The following PCDHGA2 variants were observed in gnomAD, a reference collection of about 807,000 sequenced individuals.
The protein encoded by PCDHGA2 is protocadherin gamma subfamily A, 2, also known as protocadherin gamma-A2.
Under a neutral mutation model 59.2 loss-of-function variants are expected in PCDHGA2, and 40 were observed. That is an observed-to-expected ratio of 0.68 (90% CI 0.52 to 0.88). PCDHGA2 has a LOEUF of 0.88. Ranked by LOEUF, PCDHGA2 falls within the 40% of genes least tolerant of loss-of-function variation. PCDHGA2 has a pLI of 0.00. For missense variants in PCDHGA2, 1,226 were observed against 1,204.0 expected, an observed-to-expected ratio of 1.02 and a Z score of -0.27; for synonymous variants, 560 against 526.0, an observed-to-expected ratio of 1.06 and a Z score of -0.89.
intron 1 of PCDHGA2, chr5:141,417,926 C>T (rs779409064): frequency 6.2e-7 from 1 of 1,610,108 alleles, no homozygotes; most frequent in East Asian, 2.2e-5. Context: ...TTTGCTGCTG[C>T]CTTTGTTCTA....
At chr5:141,343,115 T>C in intron 1 of PCDHGA2, 1 of 194,556 alleles carries the variant, frequency 5.1e-6, no homozygotes, top group Non-Finnish European at 9.4e-6. Flanking sequence ...ATTCCCTGTT[T>C]GCTTTTATAT....
chr5:141,414,375 G>C, intron 1 of PCDHGA2: 1 of 1,613,854 alleles, frequency 6.2e-7, no homozygotes, highest in Non-Finnish European at 8.5e-7. Flanking sequence ...AATTAGAAAA[G>C]TCCATTGACA....
At position 141,455,034 on chromosome 5, in the gene PCDHGA2, G is replaced by T. The variant is rs112590950; in HGVS notation, c.2425-39773G>T. 8.3e-3 allele frequency among the ~76,000 whole-genome samples: 1,254 copies of T among 150,894 alleles called. 18 individuals are homozygous for T. Among genetic ancestry groups the T allele is most frequent in the African/African-American group, 0.029 (1,191 of 41,122 alleles). ...TCACCGTGTTAGCCAGGATGGTCTC[G>T]ATCTCCTGACCTCGTGATCCGCCCG... On this transcript the variant is annotated intron_variant, in intron 1 of 3. Coordinates refer to ENST00000394576, the MANE Select transcript of PCDHGA2 (RefSeq NM_018915.4).
chr5:141,423,730 A>G, intron 1 of PCDHGA2: 1 of 831,022 alleles, frequency 1.2e-6, no homozygotes. Flanking sequence ...ATGTTTTTTG[A>G]GCCTGTTATG....
At chr5:141,474,345 G>A (rs541613646) in intron 1 of PCDHGA2, among the ~76,000 whole-genome samples, 7 of 152,124 alleles carry the variant, frequency 4.6e-5, no homozygotes, top group African/African-American at 7.2e-5. Flanking sequence ...TTGTTAAAAT[G>A]TAAGTCATGT....
At chr5:141,447,696 G>A (rs1273958794) in intron 1 of PCDHGA2, among the ~76,000 whole-genome samples, 1 of 152,096 alleles carries the variant, frequency 6.6e-6, no homozygotes, top group Non-Finnish European at 1.5e-5. Context: ...TAGAGGGATG[G>A]GTTATAAGGA....
intron 2 of PCDHGA2, among the ~76,000 whole-genome samples, chr5:141,501,009 C>T (rs2099804715): frequency 2.0e-5 from 3 of 152,040 alleles, no homozygotes; most frequent in Non-Finnish European, 4.4e-5. Context: ...GCTGGGACTA[C>T]AGGCACGCGC....
At chr5:141,438,720 G>A (rs1393152221) in intron 1 of PCDHGA2, among the ~76,000 whole-genome samples, 1 of 147,892 alleles carries the variant, frequency 6.8e-6, no homozygotes, top group Non-Finnish European at 1.5e-5. Flanking sequence ...GAGTGCAAGT[G>A]GTGTGATCTC....
chr5:141,374,602 T>C, intron 1 of PCDHGA2: 2 of 1,613,652 alleles, frequency 1.2e-6, no homozygotes, highest in Non-Finnish European at 1.7e-6. Flanking sequence ...TTAAGCTCAG[T>C]GGTAATAGTC....
chr5:141,372,786 T>C (rs765183690), intron 1 of PCDHGA2: 6 of 1,605,480 alleles, frequency 3.7e-6, no homozygotes, highest in Non-Finnish European at 4.3e-6. Context: ...AGAAATGCCT[T>C]CTAATTCAGG....
chr5:141,375,647 T>C (rs1265306389), intron 1 of PCDHGA2: 2 of 1,614,038 alleles, frequency 1.2e-6, no homozygotes. Flanking sequence ...CTCCTTCGAC[T>C]ATGAGCAGTT....
At position 141,356,140 on chromosome 5, in the gene PCDHGA2, T is replaced by C. The variant is rs756946574; in HGVS notation, c.2424+14745T>C. ...GGGTCTAGATTATGAGGACTCTGGA[T>C]TCTATGACATAGATGTAGAAGCCCA... On this transcript the variant is annotated intron_variant, in intron 1 of 3. Transcript: ENST00000394576. 2.0e-5 allele frequency: 32 copies of C among 1,613,616 alleles called. No homozygotes were observed. Among genetic ancestry groups the C allele is most frequent in the Non-Finnish European group, 2.5e-5 (30 of 1,179,778 alleles).
Position 141,361,665 on chromosome 5 carries a change from G to A in PCDHGA2, c.2424+20270G>A, listed in dbSNP as rs368441959. 2.6e-4 allele frequency: 414 copies of A among 1,613,696 alleles called. 2 individuals are homozygous for A. In the African/African-American group the frequency reaches 4.6e-3, roughly 18 times the overall value. ...TATCCTACGTGTCCGTGAGCGCGCA[G>A]AGCGGGGTGGTGTTCGCGCAGCGCG... On this transcript the variant is annotated intron_variant, in intron 1 of 3. Transcript: ENST00000394576.
At chr5:141,407,964 C>G in intron 1 of PCDHGA2, 1 of 683,628 alleles carries the variant, frequency 1.5e-6, no homozygotes, top group Non-Finnish European at 2.3e-6. Context: ...GCAGAGCAAG[C>G]GCTGACGCCG....
intron 1 of PCDHGA2, chr5:141,393,317 G>C (rs927337267): frequency 6.2e-7 from 1 of 1,612,904 alleles, no homozygotes; most frequent in South Asian, 1.1e-5. Flanking sequence ...ACTCCCTCCA[G>C]AGCTACCAGC....
chr5:141,435,104 G>A (rs1009839042), intron 1 of PCDHGA2, among the ~76,000 whole-genome samples: 1 of 151,968 alleles, frequency 6.6e-6, no homozygotes, highest in Non-Finnish European at 1.5e-5. Flanking sequence ...TTATCTAGGG[G>A]GGAGAAATCT....
rs570809952 is a variant in PCDHGA2 at position 141,463,609 on chromosome 5, C to T, written c.2425-31198C>T. 4.6e-5 allele frequency among the ~76,000 whole-genome samples: 7 copies of T among 151,964 alleles called. No homozygotes were observed. In the East Asian group the frequency reaches 9.7e-4, roughly 21 times the overall value. The stretch of plus-strand genomic sequence containing the variant: ...GACTACAGGTGCCTGCCACCATGCC[C>T]GGCTAATTTTTTGTATTTTGTTTAG... On this transcript the variant is annotated intron_variant, in intron 1 of 3. Coordinates refer to ENST00000394576, the MANE Select transcript of PCDHGA2 (RefSeq NM_018915.4).
In PCDHGA2 at chr5:141,345,056, T is replaced by G. The variant is rs768057546; in HGVS notation, c.2424+3661T>G. The G allele has an allele frequency of 1.2e-5, 20 of 1,613,954 alleles. No homozygotes were observed. The highest frequency in any genetic ancestry group is 6.7e-5 in the Admixed American group (4 of 60,010). On this transcript the variant is annotated intron_variant, in intron 1 of 3. Transcript: ENST00000394576. Reference sequence around the variant, plus strand: ...TTCTAGTCACGGTTCTGGATGTGAATGACAATGCTCCAGAAATTACAATCA... The same window carrying G: ...TTCTAGTCACGGTTCTGGATGTGAAGGACAATGCTCCAGAAATTACAATCA...
chr5:141,453,700 G>T (rs953445370), intron 1 of PCDHGA2, among the ~76,000 whole-genome samples: 1 of 152,166 alleles, frequency 6.6e-6, no homozygotes, highest in East Asian at 1.9e-4. Flanking sequence ...TCCTGGCTTT[G>T]AACAGTTTCA....
Sources: allele counts gnomAD v4.1 joint callset (sites outside exome capture counted in the v4.1 genomes callset), GRCh38; gene constraint gnomAD v4.1.1; transcripts MANE v1.5; gene names NCBI Gene and HGNC (gene_info 2026-07-23, HGNC 2026-07-21).